The following EPHB1 variants were observed in gnomAD, a reference collection of about 807,000 sequenced individuals.
The protein encoded by EPHB1 is ephrin type-B receptor 1.
Under a neutral mutation model 94.4 loss-of-function variants are expected in EPHB1, and 30 were observed. The observed-to-expected ratio is 0.32, with a 90% CI of 0.24 to 0.43. The LOEUF (loss-of-function observed/expected upper bound fraction) is 0.43. Ranked by LOEUF, EPHB1 falls within the 20% of genes least tolerant of loss-of-function variation. EPHB1 has a pLI of 1.00. For missense variants in EPHB1, 1,055 were observed against 1,308.3 expected (o/e 0.81, Z 2.99); for synonymous variants, 522 against 489.1 (o/e 1.07, Z -0.89).
chr3:135,156,161 C>G (rs1941348072), intron 6 of EPHB1, among the ~76,000 whole-genome samples: 1 of 151,854 alleles, frequency 6.6e-6, no homozygotes, highest in Admixed American at 6.6e-5. Flanking sequence ...AGGAAAGGAA[C>G]AGAAGTTCAG....
At chr3:134,819,835 C>T (rs1310471362) in intron 1 of EPHB1, among the ~76,000 whole-genome samples, 1 of 152,208 alleles carries the variant, frequency 6.6e-6, no homozygotes, top group East Asian at 1.9e-4. Flanking sequence ...GTCTTGCCTA[C>T]AGATGCCCCA....
chr3:135,144,472 T>C (rs1940944302), intron 5 of EPHB1, among the ~76,000 whole-genome samples: 1 of 152,148 alleles, frequency 6.6e-6, no homozygotes, highest in Non-Finnish European at 1.5e-5. Context: ...TCTTACCAGT[T>C]CCCAGGTGAG....
intron 10 of EPHB1, among the ~76,000 whole-genome samples, chr3:135,188,278 C>T (rs1339367857): frequency 2.0e-5 from 3 of 147,318 alleles, no homozygotes; most frequent in South Asian, 2.2e-4. Context: ...GGGCAGATCA[C>T]GAGGTCAGGA....
At chr3:134,905,090 G>A (rs1341683936) in intron 1 of EPHB1, among the ~76,000 whole-genome samples, 3 of 152,222 alleles carry the variant, frequency 2.0e-5, no homozygotes, top group Non-Finnish European at 4.4e-5. Flanking sequence ...TGTGGGAGTG[G>A]TTGTGGCTGT....
intron 4 of EPHB1, among the ~76,000 whole-genome samples, chr3:135,124,573 A>G (rs1940119289): frequency 6.6e-6 from 1 of 151,658 alleles, no homozygotes; most frequent in African/African-American, 2.4e-5. Flanking sequence ...CAACACTCCT[A>G]TGGGTTGCTG....
chr3:134,981,000 G>A (rs529424886), intron 3 of EPHB1, among the ~76,000 whole-genome samples: 1 of 152,256 alleles, frequency 6.6e-6, no homozygotes, highest in East Asian at 1.9e-4. Flanking sequence ...TCTCCTTCAA[G>A]CCTTAATCAA....
At chr3:134,902,164 G>C (rs879268059) in intron 1 of EPHB1, among the ~76,000 whole-genome samples, 1 of 152,200 alleles carries the variant, frequency 6.6e-6, no homozygotes, top group Non-Finnish European at 1.5e-5. Context: ...GTAGTTAGGG[G>C]CTGATGCAGG....
chr3:135,126,742 C>T (rs1325140888), intron 4 of EPHB1, among the ~76,000 whole-genome samples: 1 of 152,206 alleles, frequency 6.6e-6, no homozygotes, highest in African/African-American at 2.4e-5. Context: ...GCATCTGTAA[C>T]ACCTTGCATC....
chr3:134,989,741 A>G (rs1934730460), intron 3 of EPHB1, among the ~76,000 whole-genome samples: 1 of 152,128 alleles, frequency 6.6e-6, no homozygotes, highest in African/African-American at 2.4e-5. Context: ...AATGGAAGGA[A>G]TTGCTACATT....
chr3:135,258,631 G>T (rs911468011), intron 15 of EPHB1, among the ~76,000 whole-genome samples: 42 of 152,136 alleles, frequency 2.8e-4, no homozygotes, highest in African/African-American at 9.9e-4. Flanking sequence ...ACTAATTTAG[G>T]CAGAAAACTC....
chr3:134,842,554 T>G (rs1002437256), intron 1 of EPHB1, among the ~76,000 whole-genome samples: 1 of 152,350 alleles, frequency 6.6e-6, no homozygotes, highest in South Asian at 2.1e-4. Context: ...AAAATCCCTC[T>G]AAGTTCCCTT....
intron 3 of EPHB1, among the ~76,000 whole-genome samples, chr3:134,975,711 T>C (rs1005198496): frequency 1.3e-5 from 2 of 152,096 alleles, no homozygotes; most frequent in Non-Finnish European, 2.9e-5. Flanking sequence ...TAGGTTAAAG[T>C]TAGTGAAGAA....
At position 135,104,957 on chromosome 3, in the gene EPHB1, G is replaced by A. The variant is rs535619912; in HGVS notation, c.806-1491G>A. ...TGGATATTTTTCAAATAGTTTATGCGTACATCATCACTATCATTTCTCCCA... is the reference window on the plus strand; with the variant it reads ...TGGATATTTTTCAAATAGTTTATGCATACATCATCACTATCATTTCTCCCA... On this transcript the variant is annotated intron_variant, in intron 3 of 15. Transcript: ENST00000398015. Among the ~76,000 whole-genome samples the A allele has an allele frequency of 1.1e-4, 17 of 152,244 alleles. No individual in the cohort carries two copies. The East Asian group carries it at 1.3e-3, about 12-fold the overall frequency.
At chr3:135,170,317 T>A (rs1941768867) in intron 9 of EPHB1, among the ~76,000 whole-genome samples, 1 of 152,226 alleles carries the variant, frequency 6.6e-6, no homozygotes, top group Non-Finnish European at 1.5e-5. Context: ...GTAAATCTGA[T>A]AACATAATGT....
At chr3:134,821,896 C>T (rs765621631) in intron 1 of EPHB1, among the ~76,000 whole-genome samples, 22 of 152,070 alleles carry the variant, frequency 1.4e-4, no homozygotes, top group Non-Finnish European at 1.6e-4. Flanking sequence ...GAAAAGAGAT[C>T]GGGGAGGTCA....
intron 10 of EPHB1, among the ~76,000 whole-genome samples, chr3:135,186,249 C>A (rs1465948545): frequency 6.6e-6 from 1 of 152,220 alleles, no homozygotes; most frequent in South Asian, 2.1e-4. Flanking sequence ...GGCTGTCAAG[C>A]AGGTTCCATC....
At chr3:135,250,961 C>G (rs781026041) in intron 15 of EPHB1, among the ~76,000 whole-genome samples, 2 of 152,116 alleles carry the variant, frequency 1.3e-5, no homozygotes, top group Non-Finnish European at 2.9e-5. Flanking sequence ...GTGATCCACC[C>G]CTATAGCTGA....
At chr3:135,099,504 C>T (rs1476725270) in intron 3 of EPHB1, among the ~76,000 whole-genome samples, 2 of 152,188 alleles carry the variant, frequency 1.3e-5, no homozygotes, top group Non-Finnish European at 1.5e-5. Context: ...TCAGGAAAAC[C>T]CATTCTGGGA....
At chr3:134,943,173 A>T (rs967662465) in intron 2 of EPHB1, among the ~76,000 whole-genome samples, 1 of 152,228 alleles carries the variant, frequency 6.6e-6, no homozygotes, top group African/African-American at 2.4e-5. Context: ...ACAAAACGTC[A>T]TGACCAACAT....
Sources: allele counts gnomAD v4.1 joint callset (sites outside exome capture counted in the v4.1 genomes callset), GRCh38; gene constraint gnomAD v4.1.1; transcripts MANE v1.5; gene names NCBI Gene and HGNC (gene_info 2026-07-23, HGNC 2026-07-21).